Variants in INPP5F observed in about 807,000 individuals in gnomAD.
The protein encoded by INPP5F is inositol polyphosphate-5-phosphatase F, also known as phosphatidylinositide 4-phosphatase SAC2.
Under a neutral mutation model 137.2 loss-of-function variants are expected in INPP5F, and 97 were observed. That is an observed-to-expected ratio of 0.71 (90% CI 0.60 to 0.84). The LOEUF (loss-of-function observed/expected upper bound fraction) is 0.84, where lower values mean the gene tolerates loss of function less well. INPP5F is among the 40% of genes least tolerant of loss of function. The probability of loss-of-function intolerance (pLI) is 0.00; values close to 1 mark genes in which losing one functional copy is unlikely to be tolerated. For synonymous variants in INPP5F, 504 were observed against 476.9 expected (o/e 1.06, Z -0.74); for missense variants, 1,271 against 1,371.9 (o/e 0.93, Z 1.16).
chr10:119,825,961 G>A (rs1851742620), intron 19 of INPP5F: 3 of 398,338 alleles, frequency 7.5e-6, no homozygotes, highest in Non-Finnish European at 1.3e-5. Context: ...GCTGTCATGA[G>A]GGATACCAAA....
intron 19 of INPP5F, among the ~76,000 whole-genome samples, chr10:119,824,544 T>C (rs1851691671): frequency 6.6e-6 from 1 of 152,166 alleles, no homozygotes; most frequent in African/African-American, 2.4e-5. Context: ...ATGGCCTGTG[T>C]AGTATTGTTG....
chr10:119,822,627 T>C (rs964112384), intron 17 of INPP5F, 123 bp downstream of exon 17: 1 of 559,768 alleles, frequency 1.8e-6, no homozygotes, highest in African/African-American at 1.9e-5. Flanking sequence ...TTCACTATTA[T>C]TTTCCATTTG....
At chr10:119,775,532 T>C (rs1318532317) in intron 2 of INPP5F, among the ~76,000 whole-genome samples, 1 of 152,184 alleles carries the variant, frequency 6.6e-6, no homozygotes, top group Non-Finnish European at 1.5e-5. Flanking sequence ...CCCAGAGTGC[T>C]GGGATTACAA....
chr10:119,820,256 T>C (rs1851502086), intron 15 of INPP5F, among the ~76,000 whole-genome samples: 1 of 152,228 alleles, frequency 6.6e-6, no homozygotes, highest in Non-Finnish European at 1.5e-5. Context: ...GATTTTAGAA[T>C]GGGTATAAAT....
chr10:119,802,688 G>A (rs1850634564), intron 9 of INPP5F, among the ~76,000 whole-genome samples: 1 of 152,064 alleles, frequency 6.6e-6, no homozygotes. Context: ...TATATTTTGG[G>A]ATACTTGTAT....
intron 2 of INPP5F, among the ~76,000 whole-genome samples, chr10:119,774,820 T>C (rs1425743483): frequency 6.6e-6 from 1 of 152,192 alleles, no homozygotes; most frequent in Non-Finnish European, 1.5e-5. Context: ...CTGCTAAATA[T>C]ATAATATTCC....
At chr10:119,801,310 C>G (rs968195401) in intron 9 of INPP5F, among the ~76,000 whole-genome samples, 1 of 152,148 alleles carries the variant, frequency 6.6e-6, no homozygotes, top group Non-Finnish European at 1.5e-5. Context: ...AAAATTAGGT[C>G]ATTTACATAC....
At chr10:119,743,200 C>A (rs1242289846) in intron 1 of INPP5F, among the ~76,000 whole-genome samples, 1 of 152,136 alleles carries the variant, frequency 6.6e-6, no homozygotes, top group Non-Finnish European at 1.5e-5. Context: ...TTAGCTTTTG[C>A]CACTTTAAGT....
At chr10:119,756,981 G>T (rs1848866924) in intron 2 of INPP5F, among the ~76,000 whole-genome samples, 1 of 152,118 alleles carries the variant, frequency 6.6e-6, no homozygotes, top group Non-Finnish European at 1.5e-5. Flanking sequence ...TTGCAGGCAG[G>T]TGGATTTCAG....
In INPP5F at chr10:119,827,463, G is replaced by A; in HGVS notation, c.3082G>A (p.Val1028Ile). 2 of 1,614,196 alleles carry A rather than the reference G, an allele frequency of 1.2e-6. No individual in the cohort carries two copies. The highest frequency in any genetic ancestry group is 2.2e-5 in the East Asian group (1 of 44,880). The change falls in exon 20 of 20, where the codon GTT becomes ATT. Residue 1028 changes from valine (V) to isoleucine (I), a missense_variant. Val to Ile is a conservative substitution (Grantham distance 29, BLOSUM62 3). Coordinates refer to ENST00000650623, the MANE Select transcript of INPP5F (RefSeq NM_014937.4). Reference sequence around the variant, plus strand: ...TGCAACAGGCCCACAGTTTTTGTCAGTTGAGCCAGCGCATTCAGTTGCATC... The same window carrying A: ...TGCAACAGGCCCACAGTTTTTGTCAATTGAGCCAGCGCATTCAGTTGCATC... ...LSATGPQFLS[V>I]EPAHSVASQK...
chr10:119,752,095 G>A (rs751372270), intron 2 of INPP5F, among the ~76,000 whole-genome samples: 1 of 152,114 alleles, frequency 6.6e-6, no homozygotes, highest in Non-Finnish European at 1.5e-5. Context: ...AAGCATTTGG[G>A]AGCTAGATTG....
intron 9 of INPP5F, among the ~76,000 whole-genome samples, chr10:119,803,025 C>G (rs573530977): frequency 9.9e-5 from 15 of 152,122 alleles, no homozygotes; most frequent in Non-Finnish European, 2.1e-4. Flanking sequence ...ATATTTTTTT[C>G]ATGTGGATTT....
intron 2 of INPP5F, among the ~76,000 whole-genome samples, chr10:119,761,390 T>C (rs1263384226): frequency 6.6e-6 from 1 of 152,230 alleles, no homozygotes; most frequent in Non-Finnish European, 1.5e-5. Context: ...CTTTAGTCAC[T>C]GAGAGCATTA....
chr10:119,810,083 C>T lies in INPP5F; in HGVS notation c.1570-17C>T, dbSNP rs770204521. The T allele has an allele frequency of 7.0e-7, 1 of 1,436,806 alleles. No homozygotes were observed. The highest frequency in any genetic ancestry group is 9.8e-7 in the Non-Finnish European group (1 of 1,020,730). The allele number at this position is 1,436,806 out of a possible 1,614,324, so 89.0% of individuals were successfully genotyped here. Reference sequence around the variant, plus strand: ...TTGTGTTTAAATAAGATGTCAAAATCAGTTTTTGTTTGACAGGGTGACTTT... The same window carrying T: ...TTGTGTTTAAATAAGATGTCAAAATTAGTTTTTGTTTGACAGGGTGACTTT... On this transcript the variant is annotated splice_polypyrimidine_tract_variant and intron_variant, in intron 13 of 19. Transcript: ENST00000650623.
At chr10:119,726,777 G>GC in intron 1 of INPP5F, among the ~76,000 whole-genome samples, 1 of 152,356 alleles carries the variant, frequency 6.6e-6, no homozygotes, top group East Asian at 1.9e-4. Flanking sequence ...TGGAGCGGTT[G>GC]CGCCAGTTCC....
At chr10:119,798,782 GCTA>G (rs1225018883) in intron 9 of INPP5F, among the ~76,000 whole-genome samples, 172 bp downstream of exon 9, 1 of 140,154 alleles carries the variant, frequency 7.1e-6, no homozygotes, top group Non-Finnish European at 1.5e-5. Context: ...CATTGAGTCA[GCTA>G]CTTTTTTTTT....
chr10:119,791,456 C>A, intron 3 of INPP5F, 61 bp from the exon 4 acceptor site: 1 of 1,343,912 alleles, frequency 7.4e-7, no homozygotes, highest in Non-Finnish European at 1.0e-6. Context: ...TTCACTTTTG[C>A]ACTCGAACAT....
intron 1 of INPP5F, among the ~76,000 whole-genome samples, chr10:119,740,194 T>C (rs953160242): frequency 6.6e-6 from 1 of 152,176 alleles, no homozygotes; most frequent in East Asian, 1.9e-4. Context: ...TCCATGTCTT[T>C]CCCAAGCATG....
At chr10:119,805,938 G>T (rs962531803) in intron 11 of INPP5F, among the ~76,000 whole-genome samples, 2 of 152,208 alleles carry the variant, frequency 1.3e-5, no homozygotes, top group Non-Finnish European at 2.9e-5. Context: ...GAAATTAGAT[G>T]AGCAAGCCAT....
Sources: gnomAD v4.1 joint callset for allele counts (sites outside exome capture counted in the v4.1 genomes callset) on GRCh38, gnomAD v4.1.1 for gene constraint, MANE v1.5 for transcripts, NCBI Gene and HGNC (gene_info 2026-07-23, HGNC 2026-07-21) for gene names.